CTHRC1: variants seen among roughly 807,000 people sequenced by gnomAD.
CTHRC1 encodes the protein collagen triple helix repeat containing 1.
CTHRC1 carries 21 observed loss-of-function variants against 25.9 expected under a neutral mutation model. The ratio of observed to expected loss-of-function variants is 0.81; its 90% CI spans 0.57 to 1.17. The LOEUF is 1.17. Ranked by LOEUF, CTHRC1 falls within the 50% of genes most tolerant of loss-of-function variation. The pLI is 0.00. For synonymous variants in CTHRC1, 109 were observed against 113.1 expected (o/e 0.96, Z 0.23); for missense variants, 281 against 304.3 (o/e 0.92, Z 0.57).
chr8:103,379,601 C>T (rs1815869045), intron 3 of CTHRC1, among the ~76,000 whole-genome samples: 1 of 152,136 alleles, frequency 6.6e-6, no homozygotes, highest in South Asian at 2.1e-4. Flanking sequence ...AGTGTACATA[C>T]TGTTATATTC....
chr8:103,371,561 C>A lies in CTHRC1; in HGVS notation c.-96C>A. On this transcript the variant is annotated 5_prime_UTR_variant, in exon 1 of 4. Coordinates refer to ENST00000330295, the MANE Select transcript of CTHRC1 (RefSeq NM_138455.4). ...GTGAAAGGCGCATTGATGCAGCCTG[C>A]GGCGGCCTCGGAGCGCGGCGGAGCC... The A allele has an allele frequency of 7.5e-7, 1 of 1,338,434 alleles. No individual in the cohort carries two copies. Among genetic ancestry groups the A allele is most frequent in the East Asian group, 2.8e-5 (1 of 35,106 alleles). 82.9% of individuals were successfully genotyped at this position (1,338,434 alleles called of 1,614,324 possible).
chr8:103,372,523 CTGT>C, intron 1 of CTHRC1: 1 of 1,598,188 alleles, frequency 6.3e-7, no homozygotes, highest in Non-Finnish European at 8.5e-7. Flanking sequence ...AATGGGCAGT[CTGT>C]CATTACACAC....
rs1183058987 is a variant in CTHRC1, at chr8:103,382,804, A to G, written c.*204A>G. 3.5e-6 allele frequency: 2 copies of G among 563,624 alleles called. No homozygotes were observed. The highest frequency in any genetic ancestry group is 3.8e-5 in the African/African-American group (2 of 53,198). The allele number at this position is 563,624 out of a possible 1,614,324, so 34.9% of individuals were successfully genotyped here. ...CAAAAGTGGTTTCAATATTTTTTTTAGTTGGTTAGAATACTTTCTTCATAG... is the reference window on the plus strand; with the variant it reads ...CAAAAGTGGTTTCAATATTTTTTTTGGTTGGTTAGAATACTTTCTTCATAG... On this transcript the variant is annotated 3_prime_UTR_variant, in exon 4 of 4. Coordinates refer to ENST00000330295, the MANE Select transcript of CTHRC1 (RefSeq NM_138455.4).
At chr8:103,379,429 A>G (rs1815865000) in intron 3 of CTHRC1, among the ~76,000 whole-genome samples, 1 of 151,794 alleles carries the variant, frequency 6.6e-6, no homozygotes, top group African/African-American at 2.4e-5. Flanking sequence ...GTTCTATTTT[A>G]AGATTCATTA....
Position 103,376,223 on chromosome 8 carries a change from A to G in CTHRC1, c.372+264A>G, listed in dbSNP as rs144873677. On this transcript the variant is annotated intron_variant, in intron 2 of 3. Transcript: ENST00000330295. Reference sequence around the variant, plus strand: ...TAAAAATGCAAACAAAAGAGAGCATATGTGTCTGTGTTGGACAGTAAGCAA... The same window carrying G: ...TAAAAATGCAAACAAAAGAGAGCATGTGTGTCTGTGTTGGACAGTAAGCAA... Among the ~76,000 whole-genome samples the G allele has an allele frequency of 3.0e-4, 45 of 152,354 alleles. No individual in the cohort carries two copies. In the East Asian group the frequency reaches 7.7e-3, roughly 26 times the overall value.
chr8:103,373,304 T>G (rs1815745354), intron 1 of CTHRC1, among the ~76,000 whole-genome samples: 1 of 152,156 alleles, frequency 6.6e-6, no homozygotes, highest in Non-Finnish European at 1.5e-5. Context: ...CCACAGTCAT[T>G]AAGGTTTCAA....
In CTHRC1 at chr8:103,382,621, T is replaced by C; in HGVS notation, c.*21T>C. On this transcript the variant is annotated 3_prime_UTR_variant, in exon 4 of 4. Transcript: ENST00000330295. ...AATAAATGCTTTAATTTTCATTTGC[T>C]ACCTCTTTTTTTATTATGCCTTGGA... The C allele has an allele frequency of 1.3e-6, 2 of 1,594,666 alleles. No homozygotes were observed. Among genetic ancestry groups the C allele is most frequent in the Non-Finnish European group, 1.7e-6 (2 of 1,162,464 alleles).
At chr8:103,373,698 A>G (rs1386894194) in intron 1 of CTHRC1, among the ~76,000 whole-genome samples, 2 of 147,322 alleles carry the variant, frequency 1.4e-5, no homozygotes, top group Non-Finnish European at 3.0e-5. Context: ...TGTACATACT[A>G]GATGCCAGTA....
At position 103,371,778 on chromosome 8, in the gene CTHRC1, A is replaced by G; in HGVS notation, c.122A>G (p.Gln41Arg). The G allele has an allele frequency of 6.5e-7, 1 of 1,534,040 alleles. No homozygotes were observed. Among genetic ancestry groups the G allele is most frequent in the Non-Finnish European group, 8.8e-7 (1 of 1,139,992 alleles). Residue 41 changes from glutamine (Q) to arginine (R), a missense_variant, in exon 1 of 4, where the codon CAG (glutamine) becomes CGG (arginine). Coordinates refer to ENST00000330295, the MANE Select transcript of CTHRC1 (RefSeq NM_138455.4). ...SEIPKGKQKA[Q>R]LRQREVVDLY... is the part of the protein sequence containing the mutation. ...ATCCCCAAGGGGAAGCAAAAGGCGC[A>G]GCTCCGGCAGAGGGAGGTGGTGGAC...
At position 103,382,754 on chromosome 8, in the gene CTHRC1, C is replaced by A; in HGVS notation, c.*154C>A. The A allele has an allele frequency of 1.3e-6, 1 of 771,852 alleles. No homozygotes were observed. The highest frequency in any genetic ancestry group is 2.3e-6 in the Non-Finnish European group (1 of 441,522). The allele number at this position is 771,852 out of a possible 1,614,324, so 47.8% of individuals were successfully genotyped here. ...GTGTGATTTCACACTGTTTTTAAAT[C>A]TAGCATTATTCATTTTGCTTCAATC... On this transcript the variant is annotated 3_prime_UTR_variant, in exon 4 of 4. Coordinates refer to ENST00000330295, the MANE Select transcript of CTHRC1 (RefSeq NM_138455.4).
intron 1 of CTHRC1, chr8:103,372,451 A>G: frequency 6.5e-7 from 1 of 1,545,764 alleles, no homozygotes; most frequent in Non-Finnish European, 8.7e-7. Context: ...TAAGGCCGGA[A>G]AGGGAAATGA....
rs1024323350 is a variant in CTHRC1, at chr8:103,371,731, C to A, written c.75C>A (p.Pro25=). 3.3e-6 allele frequency: 5 copies of A among 1,535,616 alleles called. No homozygotes were observed. In the South Asian group the frequency reaches 4.8e-5, roughly 15 times the overall value. ...GLLLLLLLQL[P]APSSASEIPK... The stretch of plus-strand genomic sequence containing the variant: ...TGCTGCTCCTGCTGCTGCAGCTGCC[C>A]GCGCCGTCGAGCGCCTCTGAGATCC... The change falls in exon 1 of 4, where the codon CCC becomes CCA. Residue 25 remains proline (P), a synonymous_variant. Coordinates refer to ENST00000330295, the MANE Select transcript of CTHRC1 (RefSeq NM_138455.4).
In CTHRC1 at chr8:103,375,775, C is replaced by G. The variant is rs1001036925; in HGVS notation, c.188C>G (p.Pro63Arg). 3 of 1,614,022 alleles carry G rather than the reference C, an allele frequency of 1.9e-6. No homozygotes were observed. The highest frequency in any genetic ancestry group is 2.5e-6 in the Non-Finnish European group (3 of 1,180,002). Reference sequence around the variant, plus strand: ...TGCTTACAAGGGCCAGCAGGAGTGCCTGGTCGAGACGGGAGCCCTGGGGCC... The same window carrying G: ...TGCTTACAAGGGCCAGCAGGAGTGCGTGGTCGAGACGGGAGCCCTGGGGCC... ...GMCLQGPAGV[P>R]GRDGSPGANG... is the part of the protein sequence containing the mutation. The change falls in exon 2 of 4, where the codon CCT becomes CGT. Residue 63 changes from proline to arginine, a missense_variant. Pro to Arg is a moderately radical substitution (Grantham distance 103). Transcript: ENST00000330295.
rs76552709 is a variant in CTHRC1, at chr8:103,378,157, G to T, written c.503G>T (p.Gly168Val). 1.2e-6 allele frequency: 2 copies of T among 1,614,084 alleles called. No homozygotes were observed. Among genetic ancestry groups the T allele is most frequent in the Non-Finnish European group, 1.7e-6 (2 of 1,179,956 alleles). The change falls in exon 3 of 4, where the codon GGA (glycine) becomes GTA (valine). Residue 168 changes from glycine to valine, a missense_variant. Coordinates refer to ENST00000330295, the MANE Select transcript of CTHRC1 (RefSeq NM_138455.4). Reference protein sequence around the residue: ...YFTFNGAECSGPLPIEAIIYL... With the variant: ...YFTFNGAECSVPLPIEAIIYL... ...ACATTCAATGGAGCTGAATGTTCAG[G>T]ACCTCTTCCCATTGAAGCTATAATT...
chr8:103,380,631 A>G (rs1815892916), intron 3 of CTHRC1, among the ~76,000 whole-genome samples: 1 of 152,232 alleles, frequency 6.6e-6, no homozygotes, highest in Admixed American at 6.5e-5. Flanking sequence ...ATACTACATT[A>G]TCACAGCAAA....
At chr8:103,374,335 T>C (rs965406326) in intron 1 of CTHRC1, among the ~76,000 whole-genome samples, 3 of 152,210 alleles carry the variant, frequency 2.0e-5, no homozygotes, top group Non-Finnish European at 2.9e-5. Context: ...TCTAAGAAAC[T>C]TTGTTTTTTG....
In CTHRC1 at chr8:103,371,587, A is replaced by G; in HGVS notation, c.-70A>G. 1 of 1,495,348 alleles carries G rather than the reference A, an allele frequency of 6.7e-7. No individual in the cohort carries two copies. The highest frequency in any genetic ancestry group is 8.9e-7 in the Non-Finnish European group (1 of 1,117,878). 92.6% of individuals were successfully genotyped at this position (1,495,348 alleles called of 1,614,324 possible). On this transcript the variant is annotated 5_prime_UTR_variant, in exon 1 of 4. Coordinates refer to ENST00000330295, the MANE Select transcript of CTHRC1 (RefSeq NM_138455.4). The stretch of plus-strand genomic sequence containing the variant: ...GGCGGCCTCGGAGCGCGGCGGAGCC[A>G]GACGCTGACCACGTTCCTCTCCTCG...
intron 2 of CTHRC1, among the ~76,000 whole-genome samples, chr8:103,376,935 A>G (rs1815815813): frequency 6.6e-6 from 1 of 152,206 alleles, no homozygotes; most frequent in Admixed American, 6.5e-5. Context: ...AATGTTCCCT[A>G]GTTATTTAAA....
rs1815932131 is a variant in CTHRC1 at position 103,382,522 on chromosome 8, T to A, written c.654T>A (p.Cys218Ter). The A allele has an allele frequency of 1.2e-6, 2 of 1,613,418 alleles. No individual in the cohort carries two copies. The highest frequency in any genetic ancestry group is 2.2e-5 in the South Asian group (2 of 91,066). ...ATGTTGCTATCTGGGTTGGTACTTG[T>A]TCAGATTACCCAAAAGGAGATGCTT... ...LVDVAIWVGTCSDYPKGDAST... is the reference protein window; with the variant it reads ...LVDVAIWVGT The change falls in exon 4 of 4, where the codon TGT (cysteine) becomes TGA (stop). Residue 218 changes from cysteine (C) to a stop codon, truncating the protein, a stop_gained. Coordinates refer to ENST00000330295, the MANE Select transcript of CTHRC1 (RefSeq NM_138455.4). LOFTEE classifies it high-confidence loss of function.
Sources: allele counts gnomAD v4.1 joint callset (sites outside exome capture counted in the v4.1 genomes callset), GRCh38; gene constraint gnomAD v4.1.1; transcripts MANE v1.5; gene names NCBI Gene and HGNC (gene_info 2026-07-23, HGNC 2026-07-21).